Variants in CRYBG3 observed in about 807,000 individuals in gnomAD.
CRYBG3 encodes crystallin beta-gamma domain containing 3.
Under a neutral mutation model 244.2 loss-of-function variants are expected in CRYBG3, and 127 were observed. The observed-to-expected ratio is 0.52, with a 90% CI of 0.45 to 0.60. CRYBG3 has a LOEUF of 0.60. Among genes scored for constraint, CRYBG3 ranks in the 20% least tolerant of loss-of-function variants. The probability of loss-of-function intolerance (pLI) is 0.00; values close to 1 mark genes in which losing one functional copy is unlikely to be tolerated. For synonymous variants in CRYBG3, 1,132 were observed against 1,195.8 expected, an observed-to-expected ratio of 0.95 and a Z score of 1.10; for missense variants, 3,325 against 3,442.5, an observed-to-expected ratio of 0.97 and a Z score of 0.85.
At chr3:97,913,409 C>T (rs990161664) in intron 16 of CRYBG3, among the ~76,000 whole-genome samples, 2 of 152,180 alleles carry the variant, frequency 1.3e-5, no homozygotes, top group Non-Finnish European at 1.5e-5. Flanking sequence ...GTGGGTTCCA[C>T]AGGCTCTGTC....
chr3:97,836,659 G>A (rs569290959), intron 1 of CRYBG3, among the ~76,000 whole-genome samples: 2 of 152,150 alleles, frequency 1.3e-5, no homozygotes, highest in East Asian at 3.9e-4. Context: ...AGATCCCATG[G>A]CTTGAGCAGA....
At chr3:97,826,678 A>G (rs1576504638) in intron 1 of CRYBG3, among the ~76,000 whole-genome samples, 2 of 152,392 alleles carry the variant, frequency 1.3e-5, no homozygotes, top group East Asian at 3.9e-4. Flanking sequence ...GGTAATACCT[A>G]CTTTGAGTCT....
chr3:97,916,023 C>T (rs1390290800), intron 17 of CRYBG3, among the ~76,000 whole-genome samples: 4 of 152,008 alleles, frequency 2.6e-5, no homozygotes. Context: ...GTGACATTGG[C>T]AAAGTTACTT....
chr3:97,893,213 A>G (rs984595130), intron 11 of CRYBG3, among the ~76,000 whole-genome samples: 1 of 152,196 alleles, frequency 6.6e-6, no homozygotes, highest in East Asian at 1.9e-4. Context: ...AGTTTCTGAA[A>G]CTGCAGCACC....
At position 97,942,315 on chromosome 3, in the gene CRYBG3, G is replaced by A; in HGVS notation, c.8696G>A (p.Gly2899Asp). ...ASDTCLDVIG[G>D]RDTPGAKVAL... Reference sequence around the variant, plus strand: ...GATACATGTCTTGATGTGATTGGTGGCCGGGACACACCTGGAGCTAAAGTA... The same window carrying A: ...GATACATGTCTTGATGTGATTGGTGACCGGGACACACCTGGAGCTAAAGTA... Residue 2899 changes from glycine (G) to aspartate (D), a missense_variant, in exon 21 of 22, where the codon GGC becomes GAC. Gly to Asp is a moderately conservative substitution (Grantham distance 94). Transcript: ENST00000389622. The A allele has an allele frequency of 6.2e-7, 1 of 1,610,792 alleles. No homozygotes were observed. The highest frequency in any genetic ancestry group is 8.5e-7 in the Non-Finnish European group (1 of 1,178,064).
intron 20 of CRYBG3, 21 bp downstream of exon 20, chr3:97,941,327 A>G (rs112611094): frequency 3.9e-6 from 6 of 1,539,204 alleles, no homozygotes; most frequent in Non-Finnish European, 5.3e-6. Flanking sequence ...CCACTGATAC[A>G]GTATGCCACT....
rs570698572 is a variant in CRYBG3 at position 97,875,521 on chromosome 3, C to T, written c.4327C>T (p.His1443Tyr). The change falls in exon 4 of 22, where the codon CAT becomes TAT. Residue 1443 changes from histidine (H) to tyrosine (Y), a missense_variant. By Grantham distance (83) the His-to-Tyr change is moderately conservative (BLOSUM62 2). Coordinates refer to ENST00000389622, the MANE Select transcript of CRYBG3 (RefSeq NM_153605.4). ...ACGGTTAGATGATAGGGTAAAAACA[C>T]ATTTATTTCGCAGTGAGGACTGTAA... Reference protein sequence around the residue: ...HKRLDDRVKTHLFRSEDCNET... With the variant: ...HKRLDDRVKTYLFRSEDCNET... 2.4e-6 allele frequency: 3 copies of T among 1,267,040 alleles called. No individual in the cohort carries two copies. The highest frequency in any genetic ancestry group is 6.1e-5 in the East Asian group (2 of 32,722). The allele number at this position is 1,267,040 out of a possible 1,614,324, so 78.5% of individuals were successfully genotyped here.
At chr3:97,822,820 G>A (rs905073003) in intron 1 of CRYBG3, among the ~76,000 whole-genome samples, 4 of 152,230 alleles carry the variant, frequency 2.6e-5, no homozygotes, top group Non-Finnish European at 5.9e-5. Context: ...GGAGGAGATC[G>A]GGGCAAAAGT....
chr3:97,886,616 A>ATT lies in CRYBG3; in HGVS notation c.7153-5_7153-4dup. The ATT allele has an allele frequency of 6.7e-5, 80 of 1,199,110 alleles. No homozygotes were observed. The highest frequency in any genetic ancestry group is 2.3e-4 in the South Asian group (15 of 64,666). The allele number at this position is 1,199,110 out of a possible 1,614,324, so 74.3% of individuals were successfully genotyped here. On this transcript the variant is annotated splice_polypyrimidine_tract_variant and intron_variant, in intron 7 of 21. Transcript: ENST00000389622. Reference sequence around the variant, plus strand: ...CTCTAGTTGATTTCAAAGCCAAATTATTTTTTTTTTTCAGGACTGCAGCAT... The same window carrying ATT: ...CTCTAGTTGATTTCAAAGCCAAATTATTTTTTTTTTTTTCAGGACTGCAGCAT...
At chr3:97,897,522 G>T (rs1409995391) in intron 12 of CRYBG3, among the ~76,000 whole-genome samples, 3 of 151,902 alleles carry the variant, frequency 2.0e-5, no homozygotes, top group Non-Finnish European at 4.4e-5. Context: ...GGTGACTTTG[G>T]AAGTTACTTA....
chr3:97,869,457 C>T (rs887251850), intron 3 of CRYBG3, among the ~76,000 whole-genome samples: 1 of 152,096 alleles, frequency 6.6e-6, no homozygotes, highest in Non-Finnish European at 1.5e-5. Flanking sequence ...AGTTTTCTTA[C>T]ACATAGAAGT....
Position 97,877,207 on chromosome 3 carries a change from G to A in CRYBG3, c.6013G>A (p.Glu2005Lys), listed in dbSNP as rs887190865. The A allele has an allele frequency of 8.1e-6, 13 of 1,613,848 alleles. No individual in the cohort carries two copies. Among genetic ancestry groups the A allele is most frequent in the African/African-American group, 1.3e-5 (1 of 74,920 alleles). The change falls in exon 4 of 22, where the codon GAG becomes AAG. Residue 2005 changes from glutamate to lysine, a missense_variant. By Grantham distance (56) the Glu-to-Lys change is moderately conservative. Around this residue, in one of 4 missense-constraint regions of CRYBG3, gnomAD observed 450 missense variants for 424.1 expected, o/e 1.06. Transcript: ENST00000389622. ...ENSSFTILYE[E>K]PLQEEDKYAS... ...TTCTTCCTTTACTATATTATACGAAGAGCCCCTTCAAGAGGAGGACAAGTA... is the reference window on the plus strand; with the variant it reads ...TTCTTCCTTTACTATATTATACGAAAAGCCCCTTCAAGAGGAGGACAAGTA...
At chr3:97,933,255 T>G in intron 17 of CRYBG3, 1 of 382,300 alleles carries the variant, frequency 2.6e-6, no homozygotes, top group South Asian at 2.0e-5. Flanking sequence ...CTAGGAATAT[T>G]TTTAAGAGCT....
chr3:97,919,630 G>GT (rs1281098245), intron 17 of CRYBG3, among the ~76,000 whole-genome samples: 4 of 149,660 alleles, frequency 2.7e-5, no homozygotes, highest in African/African-American at 7.4e-5. Flanking sequence ...GCCTAAGGAA[G>GT]TTTAAGTGTT....
chr3:97,908,606 C>T (rs1047101289), intron 15 of CRYBG3, among the ~76,000 whole-genome samples: 8 of 152,128 alleles, frequency 5.3e-5, no homozygotes, highest in Admixed American at 1.3e-4. Flanking sequence ...CTTCATAGAT[C>T]TTCCTCCATC....
intron 15 of CRYBG3, among the ~76,000 whole-genome samples, chr3:97,910,116 C>T (rs1424058362): frequency 3.3e-5 from 5 of 151,622 alleles, no homozygotes; most frequent in South Asian, 2.1e-4. Flanking sequence ...CTCAGATCTC[C>T]AGCTGCGTGC....
intron 2 of CRYBG3, among the ~76,000 whole-genome samples, chr3:97,862,807 G>T (rs2039170243): frequency 6.6e-6 from 1 of 152,040 alleles, no homozygotes; most frequent in South Asian, 2.1e-4. Flanking sequence ...AAATGTAGAG[G>T]CTCACAAGAT....
At position 97,876,783 on chromosome 3, in the gene CRYBG3, A is replaced by G. The variant is rs2039378082; in HGVS notation, c.5589A>G (p.Leu1863=). The G allele has an allele frequency of 1.1e-5, 14 of 1,278,054 alleles. No homozygotes were observed. Among genetic ancestry groups the G allele is most frequent in the Non-Finnish European group, 1.2e-5 (12 of 1,015,468 alleles). 79.2% of individuals were successfully genotyped at this position (1,278,054 alleles called of 1,614,324 possible). A position where few individuals can be genotyped will look rare whatever the true frequency, so the allele number is the denominator to read the frequency against. The change falls in exon 4 of 22, where the codon TTA becomes TTG. Residue 1863 remains leucine, a synonymous_variant. Coordinates refer to ENST00000389622, the MANE Select transcript of CRYBG3 (RefSeq NM_153605.4). ...AGAATATTGGGAAACACAAAGTGTT[A>G]CCCGCAGTGGTAGACATTGAGAAAA... ...RGENIGKHKV[L]PAVVDIEKIH...
intron 15 of CRYBG3, among the ~76,000 whole-genome samples, chr3:97,908,671 A>G (rs1363113430): frequency 1.3e-5 from 2 of 152,202 alleles, no homozygotes; most frequent in Admixed American, 1.3e-4. Flanking sequence ...TCCTGAATAC[A>G]GCACACTGAT....
Sources: gnomAD v4.1 joint callset for allele counts (sites outside exome capture counted in the v4.1 genomes callset) on GRCh38, gnomAD v4.1.1 for gene constraint, gnomAD v4.1.1 regional missense constraint, MANE v1.5 for transcripts, NCBI Gene and HGNC (gene_info 2026-07-23, HGNC 2026-07-21) for gene names.